SPAG16: variants seen among roughly 807,000 people sequenced by gnomAD.
SPAG16 encodes the protein sperm associated antigen 16.
A neutral mutation model predicts 80.4 loss-of-function variants in SPAG16; 86 were observed. The observed-to-expected ratio is 1.07, with a 90% CI of 0.90 to 1.28. SPAG16 has a LOEUF of 1.28. Among genes scored for constraint, SPAG16 ranks in the 50% most tolerant of loss-of-function variants. SPAG16 has a pLI of 0.00. For missense variants in SPAG16, 870 were observed against 765.3 expected (o/e 1.14, Z -1.61); for synonymous variants, 294 against 265.9 (o/e 1.11, Z -1.03).
chr2:214,045,352 G>T (rs914857014), intron 13 of SPAG16, among the ~76,000 whole-genome samples: 2 of 152,160 alleles, frequency 1.3e-5, no homozygotes, highest in African/African-American at 4.8e-5. Flanking sequence ...ATCACCTGTT[G>T]ATTAAAAAGC....
chr2:213,834,899 T>G (rs2073990480), intron 10 of SPAG16, among the ~76,000 whole-genome samples: 1 of 152,142 alleles, frequency 6.6e-6, no homozygotes, highest in Admixed American at 6.5e-5. Context: ...TGTCATCTGT[T>G]TCTATTCTTG....
intron 15 of SPAG16, among the ~76,000 whole-genome samples, chr2:214,217,228 C>G (rs553228062): frequency 6.6e-6 from 1 of 152,358 alleles, no homozygotes; most frequent in East Asian, 1.9e-4. Context: ...AATGCTTAGA[C>G]TTTAAAAATC....
At chr2:213,492,586 C>A (rs982602562) in intron 10 of SPAG16, among the ~76,000 whole-genome samples, 3 of 151,186 alleles carry the variant, frequency 2.0e-5, no homozygotes, top group African/African-American at 7.3e-5. Context: ...AAAACAGATA[C>A]CACCCCCTCT....
chr2:213,818,586 G>A (rs1173863788), intron 10 of SPAG16, among the ~76,000 whole-genome samples: 2 of 152,038 alleles, frequency 1.3e-5, no homozygotes, highest in African/African-American at 4.8e-5. Flanking sequence ...TCATTCCAGT[G>A]AACCCTCAGA....
intron 15 of SPAG16, among the ~76,000 whole-genome samples, chr2:214,324,363 G>T (rs1696326627): frequency 6.6e-6 from 1 of 152,136 alleles, no homozygotes; most frequent in African/African-American, 2.4e-5. Context: ...AACGAAAATG[G>T]AGTAACCTCA....
chr2:214,109,754 A>G (rs183636541), intron 14 of SPAG16, among the ~76,000 whole-genome samples: 3 of 152,150 alleles, frequency 2.0e-5, no homozygotes, highest in African/African-American at 7.2e-5. Flanking sequence ...ATTAGTTGGA[A>G]AGTATTATAG....
chr2:213,375,915 T>C (rs2066861001), intron 9 of SPAG16, among the ~76,000 whole-genome samples: 1 of 150,974 alleles, frequency 6.6e-6, no homozygotes, highest in Admixed American at 6.6e-5. Flanking sequence ...TGGATTCTGG[T>C]ATTGTATAAA....
intron 12 of SPAG16, among the ~76,000 whole-genome samples, chr2:213,940,272 T>C (rs970141144): frequency 1.3e-5 from 2 of 152,192 alleles, no homozygotes; most frequent in African/African-American, 4.8e-5. Flanking sequence ...TGCATATTTT[T>C]CTAGCTATTT....
intron 9 of SPAG16, among the ~76,000 whole-genome samples, chr2:213,482,421 A>G (rs2073791046): frequency 6.6e-6 from 1 of 152,256 alleles, no homozygotes; most frequent in Non-Finnish European, 1.5e-5. Flanking sequence ...AGGAAATGTC[A>G]GCAGCAAAAA....
chr2:213,872,788 A>G (rs1424402297), intron 11 of SPAG16, among the ~76,000 whole-genome samples: 1 of 152,120 alleles, frequency 6.6e-6, no homozygotes, highest in Non-Finnish European at 1.5e-5. Flanking sequence ...TATGTTGATC[A>G]TGAGAGGATG....
At chr2:214,023,572 T>C (rs2047992304) in intron 13 of SPAG16, among the ~76,000 whole-genome samples, 1 of 151,800 alleles carries the variant, frequency 6.6e-6, no homozygotes, top group Admixed American at 6.6e-5. Context: ...TAGAAAAGCA[T>C]TTTACTCAAA....
intron 13 of SPAG16, among the ~76,000 whole-genome samples, chr2:214,073,482 G>A (rs1559760266): frequency 6.6e-6 from 1 of 151,972 alleles, no homozygotes; most frequent in Non-Finnish European, 1.5e-5. Flanking sequence ...TGATTCACCT[G>A]CCCCGGCCTT....
At chr2:213,295,146 T>G (rs1396661179) in intron 1 of SPAG16, among the ~76,000 whole-genome samples, 1 of 152,176 alleles carries the variant, frequency 6.6e-6, no homozygotes, top group African/African-American at 2.4e-5. Context: ...TATCTTTGAT[T>G]TTCATAACCA....
chr2:213,808,844 T>C (rs1206936762), intron 10 of SPAG16, among the ~76,000 whole-genome samples: 1 of 152,192 alleles, frequency 6.6e-6, no homozygotes, highest in Admixed American at 6.5e-5. Context: ...TTGAGGTGTC[T>C]ACAATTAAAT....
intron 8 of SPAG16, among the ~76,000 whole-genome samples, chr2:213,372,381 C>A (rs1480455590): frequency 1.3e-5 from 2 of 151,950 alleles, no homozygotes; most frequent in Non-Finnish European, 2.9e-5. Flanking sequence ...GACTTCAGAG[C>A]TTTAAAGAGG....
chr2:214,190,938 C>G (rs1391116825), intron 15 of SPAG16, among the ~76,000 whole-genome samples: 1 of 152,108 alleles, frequency 6.6e-6, no homozygotes, highest in African/African-American at 2.4e-5. Flanking sequence ...TAGAAAAGTG[C>G]TGTAAATACA....
rs1553706944 is a variant in SPAG16, at chr2:214,062,020, C to CACACACACACACACAT, written c.1528-46176_1528-46175insACACACACACACACAT. Among the ~76,000 whole-genome samples the CACACACACACACACAT allele has an allele frequency of 7.5e-3, 1,103 of 146,616 alleles. 26 individuals carry two copies. Among genetic ancestry groups the CACACACACACACACAT allele is most frequent in the Middle Eastern group, 0.018 (5 of 280 alleles). ...ACACACACACACACACACACACACACGCAGTGTGTAGTATTCAGAAGAAAG... is the reference window on the plus strand; with the variant it reads ...ACACACACACACACACACACACACACACACACACACACACATGCAGTGTGTAGTATTCAGAAGAAAG... On this transcript the variant is annotated intron_variant, in intron 13 of 15. Transcript: ENST00000331683.
At chr2:213,675,531 A>G (rs2064018934) in intron 10 of SPAG16, among the ~76,000 whole-genome samples, 1 of 152,164 alleles carries the variant, frequency 6.6e-6, no homozygotes. Context: ...CTAACATTTA[A>G]GTCTTTAATC....
At chr2:214,170,010 T>A (rs1409946887) in intron 15 of SPAG16, among the ~76,000 whole-genome samples, 2 of 152,042 alleles carry the variant, frequency 1.3e-5, no homozygotes, top group African/African-American at 4.8e-5. Context: ...TCTAAAAATG[T>A]TACAGAATGC....
Sources: allele counts gnomAD v4.1 joint callset (sites outside exome capture counted in the v4.1 genomes callset), GRCh38; gene constraint gnomAD v4.1.1; transcripts MANE v1.5; gene names NCBI Gene and HGNC (gene_info 2026-07-23, HGNC 2026-07-21).